COL26A1: variants seen among roughly 807,000 people sequenced by gnomAD.
COL26A1 encodes collagen type XXVI alpha 1 chain.
A neutral mutation model predicts 59.3 loss-of-function variants in COL26A1; 41 were observed. That is an observed-to-expected ratio of 0.69 (90% CI 0.54 to 0.90). The LOEUF (loss-of-function observed/expected upper bound fraction) is 0.90. Ranked by LOEUF, COL26A1 falls within the 40% of genes least tolerant of loss-of-function variation. COL26A1 has a pLI of 0.00. For missense variants in COL26A1, 612 were observed against 602.3 expected (o/e 1.02, Z -0.17); for synonymous variants, 266 against 256.0 (o/e 1.04, Z -0.37).
intron 3 of COL26A1, among the ~76,000 whole-genome samples, chr7:101,495,357 G>A (rs1041918295): frequency 3.3e-5 from 5 of 152,014 alleles, no homozygotes; most frequent in South Asian, 2.1e-4. Context: ...CACCTCTGGC[G>A]GGGGGATTTG....
At chr7:101,442,498 G>T (rs1162136501) in intron 2 of COL26A1, among the ~76,000 whole-genome samples, 1 of 152,138 alleles carries the variant, frequency 6.6e-6, no homozygotes, top group Admixed American at 6.5e-5. Context: ...CATATTTGGG[G>T]TTGAAATATT....
intron 6 of COL26A1, 95 bp from the exon 7 acceptor site, chr7:101,545,243 C>A: frequency 8.3e-7 from 1 of 1,211,048 alleles, no homozygotes; most frequent in Non-Finnish European, 1.1e-6. Flanking sequence ...CCTGACCAAC[C>A]CTGTTTCTTT....
intron 2 of COL26A1, among the ~76,000 whole-genome samples, chr7:101,445,873 C>A (rs1158206678): frequency 6.6e-6 from 1 of 151,102 alleles, no homozygotes; most frequent in African/African-American, 2.4e-5. Flanking sequence ...CAAGGTGAAA[C>A]CCTGTCTCTA....
intron 3 of COL26A1, among the ~76,000 whole-genome samples, chr7:101,518,103 T>C (rs1795068846): frequency 1.3e-5 from 2 of 152,146 alleles, no homozygotes; most frequent in Non-Finnish European, 2.9e-5. Context: ...TGTGAGCCAC[T>C]GCACCCAGCC....
At chr7:101,549,333 G>A (rs2130676464) in intron 9 of COL26A1, 110 bp downstream of exon 9, 1 of 668,788 alleles carries the variant, frequency 1.5e-6, no homozygotes, top group South Asian at 1.9e-5. Context: ...CACTCAGGAA[G>A]GAGCCAGTCG....
chr7:101,458,193 C>G (rs1303472617), intron 3 of COL26A1, among the ~76,000 whole-genome samples: 2 of 152,020 alleles, frequency 1.3e-5, no homozygotes, highest in Non-Finnish European at 2.9e-5. Context: ...TGGCACTTGG[C>G]CTCATTAGAT....
At chr7:101,530,488 A>G (rs1309614967) in intron 3 of COL26A1, among the ~76,000 whole-genome samples, 1 of 147,774 alleles carries the variant, frequency 6.8e-6, no homozygotes, top group African/African-American at 2.5e-5. Flanking sequence ...GAATCACTTG[A>G]ACTTGAGGCG....
chr7:101,498,883 C>A (rs560401754), intron 3 of COL26A1, among the ~76,000 whole-genome samples: 5 of 152,314 alleles, frequency 3.3e-5, no homozygotes, highest in Admixed American at 2.0e-4. Context: ...GCGCGCGGCA[C>A]CCCTGAGAAT....
intron 1 of COL26A1, among the ~76,000 whole-genome samples, chr7:101,372,217 G>A (rs545451594): frequency 6.6e-6 from 1 of 151,900 alleles, no homozygotes; most frequent in South Asian, 2.1e-4. Context: ...CCAGGCTGGA[G>A]TGCAGTGGTG....
intron 3 of COL26A1, among the ~76,000 whole-genome samples, chr7:101,515,338 G>A (rs1325019648): frequency 6.6e-6 from 1 of 151,970 alleles, no homozygotes; most frequent in African/African-American, 2.4e-5. Context: ...CCAGGCTGGA[G>A]TGCAGTGGCG....
At chr7:101,446,822 G>T (rs1793207236) in intron 2 of COL26A1, among the ~76,000 whole-genome samples, 1 of 151,522 alleles carries the variant, frequency 6.6e-6, no homozygotes, top group Non-Finnish European at 1.5e-5. Context: ...ACTACAGCCT[G>T]GGCAACAGAG....
intron 2 of COL26A1, among the ~76,000 whole-genome samples, chr7:101,424,740 G>A (rs1414778565): frequency 6.6e-6 from 1 of 152,164 alleles, no homozygotes; most frequent in South Asian, 2.1e-4. Flanking sequence ...GAGGCAAGAT[G>A]ACAACAGGTT....
chr7:101,460,377 T>C (rs2130423586), intron 3 of COL26A1, among the ~76,000 whole-genome samples: 2 of 152,256 alleles, frequency 1.3e-5, no homozygotes, highest in East Asian at 3.9e-4. Context: ...TCTAAGTTTC[T>C]CAGAATCCCA....
At chr7:101,551,065 C>T (rs1176761916) in intron 9 of COL26A1, 43 bp from the exon 10 acceptor site, 2 of 1,550,346 alleles carry the variant, frequency 1.3e-6, no homozygotes, top group Non-Finnish European at 1.7e-6. Context: ...GGAGACTTGG[C>T]CAGGACCGGC....
intron 2 of COL26A1, among the ~76,000 whole-genome samples, chr7:101,437,155 C>T (rs1451606750): frequency 6.6e-6 from 1 of 152,142 alleles, no homozygotes; most frequent in Non-Finnish European, 1.5e-5. Flanking sequence ...CAAATAATTA[C>T]ATACATGGGT....
chr7:101,417,090 A>G (rs6949868), intron 1 of COL26A1, among the ~76,000 whole-genome samples: 1 of 152,046 alleles, frequency 6.6e-6, no homozygotes. Flanking sequence ...GAGGACATTA[A>G]TTATGCTTTA....
chr7:101,452,626 C>T (rs1793370680), intron 3 of COL26A1, among the ~76,000 whole-genome samples: 1 of 152,056 alleles, frequency 6.6e-6, no homozygotes, highest in Non-Finnish European at 1.5e-5. Context: ...ATGGTCTAGC[C>T]TATTGCTCTG....
At chr7:101,507,970 T>G (rs1413074959) in intron 3 of COL26A1, among the ~76,000 whole-genome samples, 3 of 152,262 alleles carry the variant, frequency 2.0e-5, no homozygotes, top group African/African-American at 7.2e-5. Context: ...TGCCGTAATA[T>G]ATATAAAATT....
At chr7:101,548,386 A>G (rs749092700) in intron 8 of COL26A1, among the ~76,000 whole-genome samples, 4 of 152,186 alleles carry the variant, frequency 2.6e-5, no homozygotes, top group Non-Finnish European at 5.9e-5. Flanking sequence ...AGCTGGGCAC[A>G]CACATGAGAC....
Sources: allele counts gnomAD v4.1 joint callset (sites outside exome capture counted in the v4.1 genomes callset), GRCh38; gene constraint gnomAD v4.1.1; transcripts MANE v1.5; gene names NCBI Gene and HGNC (gene_info 2026-07-23, HGNC 2026-07-21).